LAMA3: variants seen among roughly 807,000 people sequenced by gnomAD.
LAMA3 encodes the protein laminin subunit alpha-3.
Under a neutral mutation model 402.0 loss-of-function variants are expected in LAMA3, and 281 were observed. That is an observed-to-expected ratio of 0.70 (90% CI 0.63 to 0.77). LAMA3 has a LOEUF of 0.77. LAMA3 is among the 30% of genes least tolerant of loss of function. The pLI, the probability that LAMA3 is intolerant of heterozygous loss-of-function variation, is 0.00. For missense variants in LAMA3, 3,840 were observed against 4,215.5 expected (o/e 0.91, Z 2.47); for synonymous variants, 1,431 against 1,558.4 (o/e 0.92, Z 1.93).
intron 38 of LAMA3, chr18:23,873,361 A>G: frequency 1.2e-6 from 1 of 807,760 alleles, no homozygotes; most frequent in East Asian, 2.4e-5. Flanking sequence ...GGCAGTGTTT[A>G]TTACAGTGCC....
rs1364093542 is a variant in LAMA3, at chr18:23,784,085, T to C, written c.1531T>C (p.Cys511Arg). Residue 511 changes from cysteine (C) to arginine (R), a missense_variant, in exon 12 of 75, where the codon TGC becomes CGC. Transcript: ENST00000313654. ...ATGTGATGCCCACGGACGGTGCCTG[T>C]GCCGCCCTGGGGTTGAGGGCCCTCG... ...EICDAHGRCL[C>R]RPGVEGPRCD... The C allele has an allele frequency of 6.2e-7, 1 of 1,614,140 alleles. No individual in the cohort carries two copies. The highest frequency in any genetic ancestry group is 1.1e-5 in the South Asian group (1 of 91,078).
At chr18:23,711,481 G>C (rs1046640866) in intron 1 of LAMA3, among the ~76,000 whole-genome samples, 1 of 152,186 alleles carries the variant, frequency 6.6e-6, no homozygotes, top group Non-Finnish European at 1.5e-5. Context: ...AAATGAAAGA[G>C]ACCTTCAGGC....
At chr18:23,842,585 A>G in intron 28 of LAMA3, 26 bp from the exon 29 acceptor site, 1 of 1,614,180 alleles carries the variant, frequency 6.2e-7, no homozygotes, top group Non-Finnish European at 8.5e-7. Context: ...GGTGCATGAC[A>G]GAAAGTCTCT....
intron 1 of LAMA3, among the ~76,000 whole-genome samples, chr18:23,698,011 G>A (rs561485969): frequency 3.3e-5 from 5 of 151,818 alleles, no homozygotes; most frequent in Admixed American, 6.6e-5. Flanking sequence ...GATTCCAGGC[G>A]TATTGGATTA....
chr18:23,776,981 C>T (rs567710683), intron 10 of LAMA3, among the ~76,000 whole-genome samples: 33 of 151,972 alleles, frequency 2.2e-4, no homozygotes, highest in East Asian at 9.7e-4. Flanking sequence ...GTTGGGATTA[C>T]AGGCATGTGC....
intron 72 of LAMA3, 98 bp downstream of exon 72, chr18:23,950,257 A>C (rs2082862143): frequency 7.2e-7 from 1 of 1,386,550 alleles, no homozygotes; most frequent in Non-Finnish European, 1.0e-6. Context: ...AATGGGATCC[A>C]ATCTTGTATT....
chr18:23,933,661 C>T, intron 66 of LAMA3, 121 bp from the exon 67 acceptor site: 1 of 997,984 alleles, frequency 1.0e-6, no homozygotes, highest in Admixed American at 2.0e-5. Context: ...TTTTTGTACC[C>T]ATTAACCAAC....
intron 5 of LAMA3, among the ~76,000 whole-genome samples, chr18:23,752,552 T>A (rs1258259197): frequency 6.6e-6 from 1 of 152,168 alleles, no homozygotes; most frequent in Non-Finnish European, 1.5e-5. Flanking sequence ...GAAGGCTGAC[T>A]GGGGGCTTCT....
intron 25 of LAMA3, 157 bp downstream of exon 25, chr18:23,837,246 C>A: frequency 1.5e-6 from 1 of 655,086 alleles, no homozygotes; most frequent in Non-Finnish European, 2.8e-6. Flanking sequence ...ACCTGACTTG[C>A]CTCTTCATTT....
intron 1 of LAMA3, among the ~76,000 whole-genome samples, chr18:23,700,272 C>G (rs977799439): frequency 1.3e-5 from 2 of 152,050 alleles, no homozygotes; most frequent in African/African-American, 4.8e-5. Flanking sequence ...ATCCAAGAAC[C>G]CTCTTGGAGC....
intron 38 of LAMA3, among the ~76,000 whole-genome samples, chr18:23,875,646 C>T (rs554135129): frequency 6.6e-6 from 1 of 152,126 alleles, no homozygotes; most frequent in South Asian, 2.1e-4. Context: ...GTTAAGACTC[C>T]TATTCCCCAC....
chr18:23,886,275 A>G (rs1340582538), intron 41 of LAMA3, among the ~76,000 whole-genome samples: 1 of 152,242 alleles, frequency 6.6e-6, no homozygotes, highest in Non-Finnish European at 1.5e-5. Context: ...TTATATTCTT[A>G]CAGCAGCAAA....
Position 23,907,654 on chromosome 18 carries a change from G to C in LAMA3, c.6823G>C (p.Gly2275Arg), listed in dbSNP as rs2081293033. The C allele has an allele frequency of 6.2e-7, 1 of 1,612,270 alleles. No homozygotes were observed. Among genetic ancestry groups the C allele is most frequent in the Non-Finnish European group, 8.5e-7 (1 of 1,178,384 alleles). Residue 2275 changes from glycine (G) to arginine (R), a missense_variant, in exon 53 of 75, where the codon GGG becomes CGG. Physicochemically the swap from Gly to Arg is moderately radical, Grantham distance 125. Transcript: ENST00000313654. The stretch of plus-strand genomic sequence containing the variant: ...CACAACTCTCCGAGATGGTCTTCAT[G>C]GGATACAGAGAGGTCAGCATCTTCC... ...NLTTLRDGLH[G>R]IQRGDIDAMI...
intron 48 of LAMA3, among the ~76,000 whole-genome samples, chr18:23,902,307 C>T (rs1292876993): frequency 2.0e-5 from 3 of 151,942 alleles, no homozygotes; most frequent in Non-Finnish European, 2.9e-5. Flanking sequence ...TGCACTTCAG[C>T]CTAGGCAACA....
intron 12 of LAMA3, among the ~76,000 whole-genome samples, chr18:23,787,753 A>G (rs1263606387): frequency 2.0e-5 from 3 of 152,164 alleles, no homozygotes; most frequent in African/African-American, 7.2e-5. Flanking sequence ...AAGGCTAAGT[A>G]AAGACTTTCT....
chr18:23,761,993 G>A (rs2061978498), intron 7 of LAMA3, among the ~76,000 whole-genome samples: 1 of 152,156 alleles, frequency 6.6e-6, no homozygotes, highest in Non-Finnish European at 1.5e-5. Context: ...AAGGCAGGAG[G>A]ATCGCTTGAG....
At position 23,912,849 on chromosome 18, in the gene LAMA3, A is replaced by G; in HGVS notation, c.7297A>G (p.Asn2433Asp). 6.2e-7 allele frequency: 1 copy of G among 1,614,014 alleles called. No individual in the cohort carries two copies. Among genetic ancestry groups the G allele is most frequent in the Non-Finnish European group, 8.5e-7 (1 of 1,179,874 alleles). The change falls in exon 56 of 75, where the codon AAT becomes GAT. Residue 2433 changes from asparagine (N) to aspartate (D), a missense_variant. Physicochemically the swap from Asn to Asp is conservative, Grantham distance 23. Transcript: ENST00000313654. ...CTCAAGAGAAAATGGGGGTACTGAGAATATGTTTGTGATGTACCTTGGAAA... is the reference window on the plus strand; with the variant it reads ...CTCAAGAGAAAATGGGGGTACTGAGGATATGTTTGTGATGTACCTTGGAAA... Reference protein sequence around the residue: ...PNSRENGGTENMFVMYLGNKD... With the variant: ...PNSRENGGTEDMFVMYLGNKD...
At chr18:23,834,421 G>C (rs1233593391) in intron 24 of LAMA3, 2 of 166,864 alleles carry the variant, frequency 1.2e-5, no homozygotes, top group Non-Finnish European at 2.6e-5. Context: ...CAGAACTGGG[G>C]ATAATTAATG....
intron 7 of LAMA3, among the ~76,000 whole-genome samples, chr18:23,762,075 T>C (rs1431655040): frequency 1.3e-5 from 2 of 152,032 alleles, no homozygotes; most frequent in East Asian, 3.9e-4. Context: ...AATTGGCTGG[T>C]CATGATGGCA....
Sources: allele counts gnomAD v4.1 joint callset (sites outside exome capture counted in the v4.1 genomes callset), GRCh38; gene constraint gnomAD v4.1.1; transcripts MANE v1.5; gene names NCBI Gene and HGNC (gene_info 2026-07-23, HGNC 2026-07-21).